ADAMTSL1: variants seen among roughly 807,000 people sequenced by gnomAD.
The protein encoded by ADAMTSL1 is ADAMTS-like protein 1.
A neutral mutation model predicts 201.8 loss-of-function variants in ADAMTSL1; 126 were observed. That is an observed-to-expected ratio of 0.62 (90% confidence interval 0.54 to 0.72). The LOEUF (loss-of-function observed/expected upper bound fraction) is 0.72. ADAMTSL1 is among the 30% of genes least tolerant of loss of function. ADAMTSL1 has a pLI of 0.00. For missense variants in ADAMTSL1, 2,679 were observed against 2,277.8 expected (o/e 1.18, Z -3.59); for synonymous variants, 1,121 against 903.4 (o/e 1.24, Z -4.32).
intron 14 of ADAMTSL1, among the ~76,000 whole-genome samples, chr9:18,714,091 T>G (rs148732674): frequency 4.6e-5 from 7 of 151,478 alleles, no homozygotes; most frequent in Admixed American, 4.6e-4. Flanking sequence ...CTGGGACACA[T>G]TCAAGGCAGT....
At chr9:18,357,837 T>C (rs1453199024) in intron 2 of ADAMTSL1, among the ~76,000 whole-genome samples, 1 of 152,192 alleles carries the variant, frequency 6.6e-6, no homozygotes, top group Admixed American at 6.5e-5. Context: ...ATTATTCTGC[T>C]AGAATGATAC....
At chr9:18,561,963 G>A (rs1158191252) in intron 3 of ADAMTSL1, among the ~76,000 whole-genome samples, 1 of 152,080 alleles carries the variant, frequency 6.6e-6, no homozygotes. Flanking sequence ...GATGGGTCTT[G>A]ACTCTTTATC....
chr9:18,313,202 G>A (rs1398573840), intron 2 of ADAMTSL1, among the ~76,000 whole-genome samples: 3 of 152,190 alleles, frequency 2.0e-5, no homozygotes, highest in Non-Finnish European at 4.4e-5. Context: ...CTTAGGCAAT[G>A]CTGATACTGT....
chr9:18,729,804 A>G (rs1818108894), intron 15 of ADAMTSL1, among the ~76,000 whole-genome samples: 1 of 152,136 alleles, frequency 6.6e-6, no homozygotes, highest in African/African-American at 2.4e-5. Flanking sequence ...TGCTCTTCTT[A>G]AGACACTTAT....
intron 4 of ADAMTSL1, among the ~76,000 whole-genome samples, chr9:18,609,914 T>A (rs1260032546): frequency 1.3e-5 from 2 of 152,220 alleles, no homozygotes; most frequent in African/African-American, 2.4e-5. Context: ...ATTATATAAC[T>A]CACAAGAGAA....
At chr9:18,012,886 G>A (rs1231064701) in intron 1 of ADAMTSL1, among the ~76,000 whole-genome samples, 1 of 152,014 alleles carries the variant, frequency 6.6e-6, no homozygotes, top group East Asian at 1.9e-4. Context: ...ATTTTACTCA[G>A]TAATGGCATT....
chr9:18,486,257 A>C (rs1425561203), intron 1 of ADAMTSL1, among the ~76,000 whole-genome samples: 44 of 152,238 alleles, frequency 2.9e-4, no homozygotes, highest in Admixed American at 2.6e-3. Context: ...GGGAACAACC[A>C]ATGTATCTGT....
intron 5 of ADAMTSL1, among the ~76,000 whole-genome samples, chr9:18,634,711 G>A (rs35665436): frequency 0.02 from 2,951 of 150,984 alleles, 72 homozygotes; most frequent in East Asian, 0.12. Context: ...GATGGTGGGC[G>A]CCTATAATCC....
chr9:18,607,927 A>G (rs1318292304), intron 4 of ADAMTSL1, among the ~76,000 whole-genome samples: 5 of 152,166 alleles, frequency 3.3e-5, no homozygotes, highest in African/African-American at 1.2e-4. Context: ...TTATGACTAC[A>G]TAGTATTCCA....
chr9:18,158,288 TCTC>T (rs1198049443), intron 1 of ADAMTSL1, among the ~76,000 whole-genome samples: 2 of 151,994 alleles, frequency 1.3e-5, no homozygotes, highest in Non-Finnish European at 2.9e-5. Context: ...TCCAGAGTAT[TCTC>T]CTCCTACGTT....
chr9:18,375,964 C>T (rs113008198), intron 2 of ADAMTSL1, among the ~76,000 whole-genome samples: 12,072 of 152,190 alleles, frequency 0.079, 647 homozygotes, highest in Non-Finnish European at 0.11. Context: ...TAGCTAGCCA[C>T]AGAGTGCTGA....
chr9:18,657,810 A>T lies in ADAMTSL1; in HGVS notation c.946+60A>T. On this transcript the variant is annotated intron_variant, in intron 8 of 28. Transcript: ENST00000380548. The stretch of plus-strand genomic sequence containing the variant: ...TTCTGTGAGGAAATACTTGGGTATT[A>T]TAAGAGTAGAGTTACTTCAGCATGG... 3.6e-6 allele frequency: 5 copies of T among 1,376,006 alleles called. No individual in the cohort carries two copies. The South Asian group carries it at 5.9e-5, about 16-fold the overall frequency. 85.2% of individuals were successfully genotyped at this position (1,376,006 alleles called of 1,614,324 possible).
intron 2 of ADAMTSL1, among the ~76,000 whole-genome samples, chr9:18,258,977 C>G (rs1274774955): frequency 2.0e-5 from 3 of 152,228 alleles, no homozygotes; most frequent in Non-Finnish European, 2.9e-5. Context: ...CACGATCATT[C>G]AACGCACTTG....
intron 14 of ADAMTSL1, among the ~76,000 whole-genome samples, chr9:18,714,346 C>A (rs1463770729): frequency 2.0e-5 from 3 of 151,900 alleles, no homozygotes; most frequent in Non-Finnish European, 4.4e-5. Flanking sequence ...AATTGATAGA[C>A]CGCTAGCAAG....
rs573159046 is a variant in ADAMTSL1 at position 18,394,941 on chromosome 9, G to T, written c.208-109888G>T. On this transcript the variant is annotated intron_variant, in intron 2 of 29. Coordinates refer to the ADAMTSL1 transcript ENST00000680146. ...GAAAGGCTGTGGAGATGTGTCTGTT[G>T]ACTTTGGTTGTTTCATAAAGTGTTA... Among the ~76,000 whole-genome samples, 183 of 152,316 alleles carry T rather than the reference G, an allele frequency of 1.2e-3. 2 individuals carry two copies. The highest frequency in any genetic ancestry group is 4.1e-3 in the African/African-American group (171 of 41,580).
At chr9:17,954,788 A>G (rs1260649844) in intron 1 of ADAMTSL1, among the ~76,000 whole-genome samples, 1 of 152,208 alleles carries the variant, frequency 6.6e-6, no homozygotes, top group Non-Finnish European at 1.5e-5. Flanking sequence ...AAACACAGTT[A>G]GGTCTGTTTA....
At chr9:18,480,650 A>G (rs1384200067) in intron 1 of ADAMTSL1, among the ~76,000 whole-genome samples, 1 of 152,208 alleles carries the variant, frequency 6.6e-6, no homozygotes, top group Non-Finnish European at 1.5e-5. Context: ...TTTAGATGCT[A>G]TACATGCCAG....
chr9:18,033,948 G>T (rs1157408716), intron 1 of ADAMTSL1, among the ~76,000 whole-genome samples: 1 of 151,982 alleles, frequency 6.6e-6, no homozygotes, highest in Admixed American at 6.6e-5. Context: ...AACAAGTTTT[G>T]TCTCTGTTAT....
intron 3 of ADAMTSL1, among the ~76,000 whole-genome samples, chr9:18,547,996 C>A (rs535075577): frequency 5.3e-5 from 8 of 151,830 alleles, no homozygotes; most frequent in Admixed American, 1.3e-4. Context: ...TATATAATAC[C>A]AAGAAAGACA....
Sources: gnomAD v4.1 joint callset for allele counts (sites outside exome capture counted in the v4.1 genomes callset) on GRCh38, gnomAD v4.1.1 for gene constraint, MANE v1.5 for transcripts, NCBI Gene and HGNC (gene_info 2026-07-23, HGNC 2026-07-21) for gene names.